BACH2: variants seen among roughly 807,000 people sequenced by gnomAD.
BACH2 encodes the protein transcription regulator protein BACH2.
A neutral mutation model predicts 61.8 loss-of-function variants in BACH2; 5 were observed. That is an observed-to-expected ratio of 0.08 (90% CI 0.04 to 0.17). The LOEUF (loss-of-function observed/expected upper bound fraction) is 0.17, where lower values mean the gene tolerates loss of function less well. Among genes scored for constraint, BACH2 ranks in the 10% least tolerant of loss-of-function variants. The pLI is 1.00. For synonymous variants in BACH2, 446 were observed against 440.1 expected, an observed-to-expected ratio of 1.01 and a Z score of -0.17; for missense variants, 824 against 1,091.1, an observed-to-expected ratio of 0.76 and a Z score of 3.45.
chr6:90,244,319 T>G (rs932309922), intron 3 of BACH2, among the ~76,000 whole-genome samples: 2 of 152,236 alleles, frequency 1.3e-5, no homozygotes, highest in East Asian at 1.9e-4. Flanking sequence ...CCAGATGGTA[T>G]TCAAGGGCTT....
chr6:90,295,843 C>T (rs1582577926), intron 1 of BACH2, among the ~76,000 whole-genome samples: 12 of 152,220 alleles, frequency 7.9e-5, no homozygotes, highest in East Asian at 3.9e-4. Flanking sequence ...AGGCCCCCAG[C>T]TCGCCTCTTC....
rs115316154 is a variant in BACH2 at position 90,233,684 on chromosome 6, C to T, written c.-275+18829G>A. On this transcript the variant is annotated intron_variant, in intron 3 of 8. Coordinates refer to ENST00000257749, the MANE Select transcript of BACH2 (RefSeq NM_021813.4). ...AAAGTCAATGCTCAATAAATATCAG[C>T]GATTGGTATTACAATTATGTTATTA... Among the ~76,000 whole-genome samples the T allele has an allele frequency of 3.2e-3, 486 of 152,212 alleles. 3 individuals carry two copies. The highest frequency in any genetic ancestry group is 0.011 in the African/African-American group (464 of 41,526).
At chr6:90,165,503 A>G (rs532449613) in intron 4 of BACH2, among the ~76,000 whole-genome samples, 5 of 152,290 alleles carry the variant, frequency 3.3e-5, no homozygotes, top group South Asian at 2.1e-4. Context: ...TATAGATTCA[A>G]TGCCATCCCC....
intron 4 of BACH2, among the ~76,000 whole-genome samples, chr6:90,173,350 T>G (rs565823219): frequency 6.6e-6 from 1 of 152,278 alleles, no homozygotes; most frequent in South Asian, 2.1e-4. Context: ...CAGACTTGCA[T>G]GTGAATGTTC....
intron 4 of BACH2, among the ~76,000 whole-genome samples, chr6:90,143,261 C>A (rs1367764898): frequency 6.6e-6 from 1 of 152,026 alleles, no homozygotes; most frequent in Non-Finnish European, 1.5e-5. Context: ...TGAGATGGTA[C>A]AATGAAGGAA....
chr6:90,004,899 CT>C (rs2127779346), intron 6 of BACH2, among the ~76,000 whole-genome samples: 1 of 152,270 alleles, frequency 6.6e-6, no homozygotes, highest in South Asian at 2.1e-4. Flanking sequence ...CTACTATTTG[CT>C]GACACAATTA....
chr6:90,149,674 G>GT (rs1374259005), intron 4 of BACH2, among the ~76,000 whole-genome samples: 4 of 152,188 alleles, frequency 2.6e-5, no homozygotes, highest in Admixed American at 1.3e-4. Flanking sequence ...GGGAAGAGTG[G>GT]TATTACAAAA....
rs368308825 is a variant in BACH2, at chr6:90,029,767, C to T, written c.-12-20911G>A. On this transcript the variant is annotated intron_variant, in intron 5 of 8. Transcript: ENST00000257749. ...GCCTGTTTCTTCACACATATCCCTA[C>T]GCTCTCCAGAGCTGCTTGTCTTTTC... Among the ~76,000 whole-genome samples, 19 of 152,334 alleles carry T rather than the reference C, an allele frequency of 1.2e-4. No individual in the cohort carries two copies. In the East Asian group the frequency reaches 2.9e-3, roughly 23 times the overall value.
chr6:89,950,694 C>T lies in BACH2; in HGVS notation c.1412G>A (p.Gly471Asp). The change falls in exon 7 of 9, where the codon GGC becomes GAC. Residue 471 changes from glycine (G) to aspartate (D), a missense_variant. Gly to Asp is a moderately conservative substitution (Grantham distance 94). This residue lies in a region of BACH2 where 102 missense variants were observed against 98.1 expected (regional missense o/e 1.04). Coordinates refer to ENST00000257749, the MANE Select transcript of BACH2 (RefSeq NM_021813.4). This position sits in a 1 kb window ranked among gnomAD's most constrained non-coding sequence, Gnocchi z 5.3. Reference sequence around the variant, plus strand: ...GGCCTGCGAGCTGGGGAGGGACTGGCCGGCTCCCACCCACAGACCCTTTGG... The same window carrying T: ...GGCCTGCGAGCTGGGGAGGGACTGGTCGGCTCCCACCCACAGACCCTTTGG... ...PVPKGLWVGA[G>D]QSLPSSQAYS... 1 of 1,614,174 alleles carries T rather than the reference C, an allele frequency of 6.2e-7. No individual in the cohort carries two copies. Among genetic ancestry groups the T allele is most frequent in the East Asian group, 2.2e-5 (1 of 44,864 alleles).
chr6:90,256,164 C>T (rs567686382), intron 2 of BACH2, among the ~76,000 whole-genome samples: 1 of 152,252 alleles, frequency 6.6e-6, no homozygotes, highest in South Asian at 2.1e-4. Context: ...GGCCTCATAG[C>T]ATTAGCTGTG....
At chr6:90,047,658 C>T (rs537057950) in intron 5 of BACH2, among the ~76,000 whole-genome samples, 1 of 152,214 alleles carries the variant, frequency 6.6e-6, no homozygotes, top group East Asian at 1.9e-4. Flanking sequence ...TATTTATATT[C>T]TGAGGGTGAG....
chr6:90,037,917 G>A (rs1186857495), intron 5 of BACH2, among the ~76,000 whole-genome samples: 2 of 152,180 alleles, frequency 1.3e-5, no homozygotes, highest in Admixed American at 6.5e-5. Context: ...AGAGGTGAGA[G>A]TGATGTGGCT....
rs371855701 is a variant in BACH2, at chr6:90,039,143, G to A, written c.-12-30287C>T. Reference sequence around the variant, plus strand: ...CTTGTTTTATGGTTTCATAATACTTGACTAGAAGGTCATAGTACAATTTAT... The same window carrying A: ...CTTGTTTTATGGTTTCATAATACTTAACTAGAAGGTCATAGTACAATTTAT... On this transcript the variant is annotated intron_variant, in intron 5 of 8. Transcript: ENST00000257749. 9.2e-4 allele frequency among the ~76,000 whole-genome samples: 139 copies of A among 151,774 alleles called. 1 individual carries two copies. In the Middle Eastern group the frequency reaches 0.01, roughly 11 times the overall value.
intron 5 of BACH2, among the ~76,000 whole-genome samples, chr6:90,028,555 C>A (rs887429545): frequency 6.6e-6 from 1 of 151,980 alleles, no homozygotes; most frequent in African/African-American, 2.4e-5. Flanking sequence ...AGCCTGCCTG[C>A]ATCTGAACCA....
At chr6:90,239,605 T>C (rs1379915640) in intron 3 of BACH2, among the ~76,000 whole-genome samples, 1 of 152,154 alleles carries the variant, frequency 6.6e-6, no homozygotes, top group Non-Finnish European at 1.5e-5. Flanking sequence ...TCTCTGGCAA[T>C]ATGCACATAT....
At chr6:89,947,112 T>G (rs1773774434) in intron 7 of BACH2, among the ~76,000 whole-genome samples, 2 of 152,178 alleles carry the variant, frequency 1.3e-5, no homozygotes, top group Non-Finnish European at 2.9e-5. Flanking sequence ...GGGTGGAAAC[T>G]CCTGTCTTGA....
chr6:89,968,735 GCA>G (rs1775182469), intron 6 of BACH2, among the ~76,000 whole-genome samples: 1 of 152,230 alleles, frequency 6.6e-6, no homozygotes, highest in African/African-American at 2.4e-5. Context: ...CTTGGGCTGG[GCA>G]CAGTGGTTCA....
chr6:90,218,961 CAG>C (rs1245084124), intron 3 of BACH2, among the ~76,000 whole-genome samples: 4 of 144,908 alleles, frequency 2.8e-5, no homozygotes, highest in Non-Finnish European at 1.5e-5. Flanking sequence ...GTGTGTGACA[CAG>C]AGAGTGAGAG....
chr6:90,135,895 C>T (rs1354094411), intron 4 of BACH2, among the ~76,000 whole-genome samples: 1 of 152,198 alleles, frequency 6.6e-6, no homozygotes, highest in Non-Finnish European at 1.5e-5. Context: ...CGTCTCTGAC[C>T]CTTTCCACTG....
Sources: allele counts gnomAD v4.1 joint callset (sites outside exome capture counted in the v4.1 genomes callset), GRCh38; gene constraint gnomAD v4.1.1; regional missense constraint gnomAD v4.1.1; non-coding constraint Gnocchi (gnomAD v3.1); transcripts MANE v1.5; gene names NCBI Gene and HGNC (gene_info 2026-07-23, HGNC 2026-07-21).